Variants in ANKRD10 observed in about 807,000 individuals in gnomAD.
The protein encoded by ANKRD10 is ankyrin repeat domain-containing protein 10.
In ANKRD10, 14 loss-of-function variants were observed where a neutral mutation model predicts 27.0. That is an observed-to-expected ratio of 0.52 (90% CI 0.34 to 0.81). ANKRD10 has a LOEUF of 0.81. ANKRD10 is among the 40% of genes least tolerant of loss of function. The probability of loss-of-function intolerance (pLI) is 0.01; values close to 1 mark genes in which losing one functional copy is unlikely to be tolerated. For synonymous variants in ANKRD10, 250 were observed against 224.5 expected, an observed-to-expected ratio of 1.11 and a Z score of -1.01; for missense variants, 493 against 544.0, an observed-to-expected ratio of 0.91 and a Z score of 0.93.
At chr13:110,896,778 T>C (rs1461938628) in intron 3 of ANKRD10, among the ~76,000 whole-genome samples, 1 of 152,232 alleles carries the variant, frequency 6.6e-6, no homozygotes, top group Non-Finnish European at 1.5e-5. Flanking sequence ...TGAAATTTCA[T>C]CTAATTTTAT....
chr13:110,908,627 G>C (rs2065604658), intron 2 of ANKRD10, among the ~76,000 whole-genome samples: 1 of 152,202 alleles, frequency 6.6e-6, no homozygotes, highest in African/African-American at 2.4e-5. Context: ...GTTTATATGA[G>C]AAATGAGAGA....
Position 110,910,517 on chromosome 13 carries a change from C to G in ANKRD10, c.363+101G>C, listed in dbSNP as rs2065665175. The stretch of plus-strand genomic sequence containing the variant: ...CCAGTCTGCCCTCAGGTAAAGATAT[C>G]AAACTCTAATTAAGGCCTCGATTTA... On this transcript the variant is annotated intron_variant, in intron 2 of 5. Coordinates refer to ENST00000267339, the MANE Select transcript of ANKRD10 (RefSeq NM_017664.4). 2.1e-6 allele frequency: 3 copies of G among 1,444,790 alleles called. No individual in the cohort carries two copies. The South Asian group carries it at 4.0e-5, about 19-fold the overall frequency. 89.5% of individuals were successfully genotyped at this position (1,444,790 alleles called of 1,614,324 possible). A position where few individuals can be genotyped will look rare whatever the true frequency, so the allele number is the denominator to read the frequency against.
intron 3 of ANKRD10, among the ~76,000 whole-genome samples, chr13:110,895,582 A>C (rs559857326): frequency 2.6e-5 from 4 of 152,278 alleles, no homozygotes; most frequent in East Asian, 3.9e-4. Context: ...GCAAGATTCT[A>C]TCTCTAAATA....
At chr13:110,897,715 G>A (rs542114079) in intron 3 of ANKRD10, among the ~76,000 whole-genome samples, 116 of 152,166 alleles carry the variant, frequency 7.6e-4, no homozygotes, top group Middle Eastern at 3.2e-3. Flanking sequence ...TATATACCCA[G>A]TAGTGGGACT....
At position 110,915,007 on chromosome 13, in the gene ANKRD10, G is replaced by A. The variant is rs2065852699; in HGVS notation, c.-73C>T. ...GGGGAGGACTCGAGAAGCCGCCGCC[G>A]CAGCACAAAGGAACGAGACTAGCGC... On this transcript the variant is annotated 5_prime_UTR_variant, in exon 1 of 6. Coordinates refer to ENST00000267339, the MANE Select transcript of ANKRD10 (RefSeq NM_017664.4). 1.3e-6 allele frequency: 2 copies of A among 1,481,950 alleles called. No individual in the cohort carries two copies. The highest frequency in any genetic ancestry group is 1.8e-6 in the Non-Finnish European group (2 of 1,121,248). The allele number at this position is 1,481,950 out of a possible 1,614,324, so 91.8% of individuals were successfully genotyped here.
chr13:110,880,676 C>A (rs1295053815), intron 5 of ANKRD10, among the ~76,000 whole-genome samples: 1 of 152,158 alleles, frequency 6.6e-6, no homozygotes, highest in Non-Finnish European at 1.5e-5. Flanking sequence ...ACTCTTGACC[C>A]TCTCCTAAGT....
chr13:110,914,687 A>G (rs1802381380), intron 1 of ANKRD10, 38 bp downstream of exon 1: 3 of 1,533,544 alleles, frequency 2.0e-6, no homozygotes, highest in Non-Finnish European at 2.6e-6. Flanking sequence ...CCCACTGGAC[A>G]GCCGGGGAAA....
At chr13:110,880,649 T>C (rs1458900822) in intron 5 of ANKRD10, among the ~76,000 whole-genome samples, 1 of 152,236 alleles carries the variant, frequency 6.6e-6, no homozygotes, top group African/African-American at 2.4e-5. Flanking sequence ...TCTTCTCTCC[T>C]CATAAATCAG....
At chr13:110,882,228 T>C (rs1426999248) in intron 5 of ANKRD10, among the ~76,000 whole-genome samples, 2 of 152,222 alleles carry the variant, frequency 1.3e-5, no homozygotes, top group Non-Finnish European at 2.9e-5. Context: ...TGTAGAATTC[T>C]TGGAAATAAT....
chr13:110,892,454 C>T lies in ANKRD10; in HGVS notation c.691+574G>A, dbSNP rs1037811052. Among the ~76,000 whole-genome samples the T allele has an allele frequency of 1.2e-4, 6 of 50,740 alleles. 1 individual carries two copies. The highest frequency in any genetic ancestry group is 4.2e-4 in the African/African-American group (5 of 11,788). 33.3% of individuals were successfully genotyped at this position (50,740 alleles called of 152,430 possible). A position where few individuals can be genotyped will look rare whatever the true frequency, so the allele number is the denominator to read the frequency against. ...AAAAAAAATGGTGGGAGAATACTTA[C>T]AACGAAAATAACTTACCTTAGGGAC... is the stretch of plus-strand genomic sequence containing the variant. On this transcript the variant is annotated intron_variant, in intron 4 of 5. Coordinates refer to ENST00000267339, the MANE Select transcript of ANKRD10 (RefSeq NM_017664.4).
chr13:110,887,930 T>A (rs966558159), intron 4 of ANKRD10, among the ~76,000 whole-genome samples: 2 of 152,200 alleles, frequency 1.3e-5, no homozygotes, highest in Non-Finnish European at 1.5e-5. Context: ...GGAAAGACAC[T>A]CTGCCTTCCT....
rs552316701 is a variant in ANKRD10, at chr13:110,906,103, T to C, written c.385A>G (p.Ile129Val). ...CTCCCAGAGCGAGCTGCCTTGTGAA[T>C]GGGAGTTTCACCCTCACAATCCTGA... ...NKPDCEGETP[I>V]HKAARSGSLE... is the part of the protein sequence containing the mutation. Residue 129 changes from isoleucine to valine, a missense_variant, in exon 3 of 6, where the codon ATT becomes GTT. Transcript: ENST00000267339. The C allele has an allele frequency of 1.9e-6, 3 of 1,602,302 alleles. No individual in the cohort carries two copies. Among genetic ancestry groups the C allele is most frequent in the Admixed American group, 1.7e-5 (1 of 58,930 alleles).
intron 4 of ANKRD10, among the ~76,000 whole-genome samples, chr13:110,892,079 A>C (rs538897662): frequency 6.6e-6 from 1 of 151,480 alleles, no homozygotes; most frequent in African/African-American, 2.4e-5. Flanking sequence ...CAACTTCAAG[A>C]GTGACTGGCT....
At chr13:110,905,919 C>T in intron 3 of ANKRD10, 114 bp downstream of exon 3, 1 of 971,888 alleles carries the variant, frequency 1.0e-6, no homozygotes, top group Non-Finnish European at 1.5e-6. Context: ...GGCAAAATTA[C>T]ATTACTAATT....
intron 3 of ANKRD10, among the ~76,000 whole-genome samples, chr13:110,899,772 G>A (rs4773270): frequency 0.64 from 97,366 of 151,822 alleles, 31,563 homozygotes; most frequent in East Asian, 0.84. Context: ...ATATTAAAAT[G>A]TGGTACAACA....
Position 110,883,753 on chromosome 13 carries a change from G to A in ANKRD10, c.732C>T (p.Asp244=). 8 of 1,614,166 alleles carry A rather than the reference G, an allele frequency of 5.0e-6. No homozygotes were observed. The highest frequency in any genetic ancestry group is 6.8e-6 in the Non-Finnish European group (8 of 1,180,026). The stretch of plus-strand genomic sequence containing the variant: ...GCATTTTGTCAGCATCGTCTTCTGT[G>A]TCGCCATTCGTGAGTGGCACGGCAG... ...LDSAVPLTNG[D]TEDDADKMHV... is the part of the protein sequence containing the mutation. The change falls in exon 5 of 6, where the codon GAC becomes GAT. Residue 244 remains aspartate (D), a synonymous_variant. Coordinates refer to ENST00000267339, the MANE Select transcript of ANKRD10 (RefSeq NM_017664.4).
intron 5 of ANKRD10, 101 bp from the exon 6 acceptor site, chr13:110,880,213 T>A (rs2064786635): frequency 2.9e-6 from 3 of 1,044,474 alleles, no homozygotes; most frequent in Non-Finnish European, 4.1e-6. Flanking sequence ...AATTTTAGTT[T>A]CTTTTTTTTC....
At chr13:110,893,805 A>G (rs1238141971) in intron 3 of ANKRD10, among the ~76,000 whole-genome samples, 1 of 152,204 alleles carries the variant, frequency 6.6e-6, no homozygotes, top group Non-Finnish European at 1.5e-5. Flanking sequence ...CAGATTCCAG[A>G]GCTGAACAGC....
rs2064761380 is a variant in ANKRD10, at chr13:110,879,018, G to A, written c.*619C>T. On this transcript the variant is annotated 3_prime_UTR_variant, in exon 6 of 6. Transcript: ENST00000267339. ...AAATCCAAACGCAGCCCCAGGCTGG[G>A]CCTGTTTTCCATGAAGCCCAAGGCA... The A allele has an allele frequency of 6.5e-6, 1 of 152,866 alleles. No individual in the cohort carries two copies. Among genetic ancestry groups the A allele is most frequent in the Non-Finnish European group, 1.5e-5 (1 of 68,522 alleles). 9.5% of individuals were successfully genotyped at this position (152,866 alleles called of 1,614,324 possible).
Sources: gnomAD v4.1 joint callset for allele counts (sites outside exome capture counted in the v4.1 genomes callset) on GRCh38, gnomAD v4.1.1 for gene constraint, MANE v1.5 for transcripts, NCBI Gene and HGNC (gene_info 2026-07-23, HGNC 2026-07-21) for gene names.